The following SEMA3E variants were observed in gnomAD, a reference collection of about 807,000 sequenced individuals.
SEMA3E encodes semaphorin-3E.
Under a neutral mutation model 93.6 loss-of-function variants are expected in SEMA3E, and 49 were observed. The observed-to-expected ratio is 0.52, with a 90% CI of 0.42 to 0.66. SEMA3E has a LOEUF of 0.66. Ranked by LOEUF, SEMA3E falls within the 30% of genes least tolerant of loss-of-function variation. The pLI is 0.00. For synonymous variants in SEMA3E, 363 were observed against 330.7 expected, an observed-to-expected ratio of 1.10 and a Z score of -1.06; for missense variants, 906 against 964.8, an observed-to-expected ratio of 0.94 and a Z score of 0.81.
intron 11 of SEMA3E, among the ~76,000 whole-genome samples, chr7:83,398,916 C>A (rs3109784): frequency 0.57 from 86,125 of 151,660 alleles, 28,235 homozygotes; most frequent in East Asian, 0.85. Flanking sequence ...TGCACTCCAG[C>A]CTGGGCAACA....
intron 1 of SEMA3E, among the ~76,000 whole-genome samples, chr7:83,574,783 C>CAT (rs1792365909): frequency 6.6e-6 from 1 of 152,104 alleles, no homozygotes; most frequent in South Asian, 2.1e-4. Flanking sequence ...TATCTGCCAA[C>CAT]AGCTAGACAC....
At chr7:83,370,892 A>G (rs554723176) in intron 16 of SEMA3E, among the ~76,000 whole-genome samples, 31 of 152,258 alleles carry the variant, frequency 2.0e-4, no homozygotes, top group African/African-American at 7.2e-4. Context: ...TTCTTTTGTC[A>G]ACATCCTGAT....
At chr7:83,536,856 T>C (rs997840836) in intron 1 of SEMA3E, among the ~76,000 whole-genome samples, 2 of 152,132 alleles carry the variant, frequency 1.3e-5, no homozygotes, top group African/African-American at 4.8e-5. Context: ...AAGTTATGTA[T>C]TGGTATGGAC....
chr7:83,466,251 A>G (rs950572215), intron 4 of SEMA3E, among the ~76,000 whole-genome samples: 5 of 152,220 alleles, frequency 3.3e-5, no homozygotes, highest in Admixed American at 1.3e-4. Flanking sequence ...CAAATTAAGC[A>G]AATAAAATTA....
chr7:83,450,789 G>A (rs1789343827), intron 4 of SEMA3E, among the ~76,000 whole-genome samples: 1 of 152,026 alleles, frequency 6.6e-6, no homozygotes, highest in African/African-American at 2.4e-5. Flanking sequence ...TGCTGTTTCT[G>A]TTATGCTTAA....
At chr7:83,419,139 A>C (rs965330904) in intron 4 of SEMA3E, among the ~76,000 whole-genome samples, 1 of 152,080 alleles carries the variant, frequency 6.6e-6, no homozygotes, top group African/African-American at 2.4e-5. Flanking sequence ...ATAAGTGAGA[A>C]CATGCAGCAT....
At chr7:83,508,848 C>T (rs1018106947) in intron 1 of SEMA3E, among the ~76,000 whole-genome samples, 2 of 152,016 alleles carry the variant, frequency 1.3e-5, no homozygotes, top group African/African-American at 2.4e-5. Context: ...AATTGACTAC[C>T]CTACTATATG....
intron 4 of SEMA3E, among the ~76,000 whole-genome samples, chr7:83,443,834 C>T (rs1361076606): frequency 1.3e-5 from 2 of 151,460 alleles, no homozygotes; most frequent in East Asian, 3.9e-4. Context: ...TATATTAATG[C>T]AACAACTATT....
intron 12 of SEMA3E, among the ~76,000 whole-genome samples, chr7:83,394,785 T>C (rs769139267): frequency 3.3e-5 from 5 of 152,150 alleles, no homozygotes; most frequent in Admixed American, 6.6e-5. Context: ...AAAATATTTT[T>C]CTGTTGGAGT....
chr7:83,400,314 A>T, intron 10 of SEMA3E, 64 bp from the exon 11 acceptor site: 2 of 1,466,110 alleles, frequency 1.4e-6, no homozygotes, highest in East Asian at 2.3e-5. Flanking sequence ...TTTATAATCA[A>T]TTATGAGAAG....
chr7:83,401,464 C>T (rs1788231679), intron 10 of SEMA3E, among the ~76,000 whole-genome samples: 1 of 152,026 alleles, frequency 6.6e-6, no homozygotes, highest in Non-Finnish European at 1.5e-5. Context: ...ACATTTTGGA[C>T]TAGCTTGGAA....
chr7:83,413,724 C>A (rs1269422614), intron 5 of SEMA3E, among the ~76,000 whole-genome samples: 1 of 152,088 alleles, frequency 6.6e-6, no homozygotes, highest in African/African-American at 2.4e-5. Flanking sequence ...AGATGATTAG[C>A]ACTAGCTCTC....
chr7:83,408,145 C>T (rs760612713), intron 6 of SEMA3E, among the ~76,000 whole-genome samples: 5 of 151,942 alleles, frequency 3.3e-5, no homozygotes, highest in Admixed American at 2.6e-4. Context: ...AAGCATTGCT[C>T]GGAAGGTATA....
intron 1 of SEMA3E, among the ~76,000 whole-genome samples, chr7:83,634,426 A>G (rs1184336629): frequency 3.9e-5 from 6 of 152,138 alleles, no homozygotes; most frequent in African/African-American, 1.4e-4. Flanking sequence ...CAATCCTAAA[A>G]TATATCAGAC....
At chr7:83,429,110 CTTATT>C (rs1228917887) in intron 4 of SEMA3E, among the ~76,000 whole-genome samples, 2 of 152,038 alleles carry the variant, frequency 1.3e-5, no homozygotes, top group Non-Finnish European at 2.9e-5. Context: ...TCAAAAAAAT[CTTATT>C]TTATCAAATT....
chr7:83,412,591 A>C (rs918902684), intron 5 of SEMA3E, among the ~76,000 whole-genome samples: 6 of 151,734 alleles, frequency 4.0e-5, no homozygotes, highest in African/African-American at 1.5e-4. Flanking sequence ...TACAAATAAT[A>C]ATAATAATGA....
chr7:83,475,308 T>G (rs1275576454), intron 2 of SEMA3E, among the ~76,000 whole-genome samples: 5 of 152,150 alleles, frequency 3.3e-5, no homozygotes, highest in Non-Finnish European at 4.4e-5. Flanking sequence ...ACACACTGTT[T>G]AGGGGTTAAT....
intron 4 of SEMA3E, among the ~76,000 whole-genome samples, chr7:83,456,198 C>A (rs1033318456): frequency 1.3e-5 from 2 of 152,180 alleles, no homozygotes; most frequent in African/African-American, 2.4e-5. Flanking sequence ...AAGGTCTTTG[C>A]CAATTCTCTA....
intron 1 of SEMA3E, among the ~76,000 whole-genome samples, chr7:83,565,439 T>C (rs2535383): frequency 0.45 from 68,386 of 151,882 alleles, 17,205 homozygotes; most frequent in African/African-American, 0.69. Flanking sequence ...GGTCAATAGG[T>C]GCAAGAAACC....
Sources: allele counts gnomAD v4.1 joint callset (sites outside exome capture counted in the v4.1 genomes callset), GRCh38; gene constraint gnomAD v4.1.1; transcripts MANE v1.5; gene names NCBI Gene and HGNC (gene_info 2026-07-23, HGNC 2026-07-21).